Variants in MARK3 observed in about 807,000 individuals in gnomAD.
The protein encoded by MARK3 is MAP/microtubule affinity-regulating kinase 3.
A neutral mutation model predicts 90.1 loss-of-function variants in MARK3; 46 were observed. That is an observed-to-expected ratio of 0.51 (90% CI 0.40 to 0.65). The LOEUF (loss-of-function observed/expected upper bound fraction) is 0.65, where lower values mean the gene tolerates loss of function less well. MARK3 is among the 30% of genes least tolerant of loss of function. The pLI, the probability that MARK3 is intolerant of heterozygous loss-of-function variation, is 0.00. For synonymous variants in MARK3, 321 were observed against 332.6 expected (o/e 0.97, Z 0.38); for missense variants, 818 against 947.2 (o/e 0.86, Z 1.79).
intron 1 of MARK3, among the ~76,000 whole-genome samples, 195 bp from the exon 2 acceptor site, chr14:103,404,881 A>G (rs2091184221): frequency 6.6e-6 from 1 of 152,218 alleles, no homozygotes; most frequent in African/African-American, 2.4e-5. Context: ...ATTGAACTTC[A>G]ACACTTCGTA....
chr14:103,419,960 C>A (rs901772929), intron 2 of MARK3, among the ~76,000 whole-genome samples: 6 of 151,138 alleles, frequency 4.0e-5, no homozygotes, highest in African/African-American at 1.5e-4. Context: ...ATAGCCACTG[C>A]CTGGGGAACA....
intron 11 of MARK3, chr14:103,467,811 A>G (rs1250160523): frequency 2.5e-6 from 1 of 397,088 alleles, no homozygotes; most frequent in East Asian, 4.3e-5. Context: ...TTATTTGAGA[A>G]AGCCTGGAAA....
Position 103,460,295 on chromosome 14 carries a change from C to G in MARK3, c.484-2110C>G, listed in dbSNP as rs560204876. Reference sequence around the variant, plus strand: ...AGAGACAGGATTTCACTGTGTTAGTCAGGATGGTCTCGATCTCCTGACCTC... The same window carrying G: ...AGAGACAGGATTTCACTGTGTTAGTGAGGATGGTCTCGATCTCCTGACCTC... On this transcript the variant is annotated intron_variant, in intron 6 of 17. Transcript: ENST00000429436. Among the ~76,000 whole-genome samples, 327 of 151,816 alleles carry G rather than the reference C, an allele frequency of 2.2e-3. 1 individual carries two copies. The highest frequency in any genetic ancestry group is 3.4e-3 in the Middle Eastern group (1 of 294).
At position 103,405,194 on chromosome 14, in the gene MARK3, G is replaced by T; in HGVS notation, c.170G>T (p.Arg57Ile). 6.3e-7 allele frequency: 1 copy of T among 1,597,052 alleles called. No homozygotes were observed. Among genetic ancestry groups the T allele is most frequent in the South Asian group, 1.1e-5 (1 of 88,038 alleles). The stretch of plus-strand genomic sequence containing the variant: ...GAACAACCTCACATCGGAAACTACA[G>T]ACTGTTGAAAACAATCGGCAAGGGG... ...ADEQPHIGNY[R>I]LLKTIGKGNF... The change falls in exon 2 of 18, where the codon AGA becomes ATA. Residue 57 changes from arginine (R) to isoleucine (I), a missense_variant. By Grantham distance (97) the Arg-to-Ile change is moderately conservative. Coordinates refer to ENST00000429436, the MANE Select transcript of MARK3 (RefSeq NM_001128918.3).
intron 16 of MARK3, 62 bp from the exon 17 acceptor site, chr14:103,500,094 T>G: frequency 7.7e-7 from 1 of 1,301,964 alleles, no homozygotes; most frequent in Non-Finnish European, 1.1e-6. Context: ...GGTCATGTAC[T>G]GGCATGTAAG....
intron 1 of MARK3, among the ~76,000 whole-genome samples, chr14:103,395,486 C>T (rs1344690417): frequency 6.6e-6 from 1 of 152,036 alleles, no homozygotes. Context: ...TCAGGCTGGC[C>T]TTGTGTTCTG....
chr14:103,482,980 T>G (rs1044814811), intron 14 of MARK3, among the ~76,000 whole-genome samples: 7 of 152,184 alleles, frequency 4.6e-5, no homozygotes, highest in African/African-American at 1.7e-4. Context: ...CAGGGCCCAT[T>G]GTTTTAATAA....
intron 3 of MARK3, among the ~76,000 whole-genome samples, chr14:103,435,401 AT>A (rs1009943460): frequency 2.0e-5 from 3 of 149,434 alleles, no homozygotes; most frequent in African/African-American, 7.4e-5. Context: ...AATTTTACTT[AT>A]TTTTATTTAT....
At chr14:103,390,262 C>T (rs1185311959) in intron 1 of MARK3, among the ~76,000 whole-genome samples, 2 of 152,024 alleles carry the variant, frequency 1.3e-5, no homozygotes, top group African/African-American at 4.8e-5. Context: ...AAAAAGTTCA[C>T]TGTTGCTGCA....
intron 2 of MARK3, among the ~76,000 whole-genome samples, chr14:103,418,807 A>G (rs2092073765): frequency 6.6e-6 from 1 of 152,214 alleles, no homozygotes; most frequent in Non-Finnish European, 1.5e-5. Flanking sequence ...TATATTTTCC[A>G]TATACATGTT....
intron 2 of MARK3, chr14:103,411,969 C>G: frequency 2.5e-5 from 5 of 197,368 alleles, no homozygotes; most frequent in East Asian, 9.0e-5. Flanking sequence ...TTTTTTTGGT[C>G]ATTTACTCTT....
rs1299595174 is a variant in MARK3, at chr14:103,385,445, CGGCGGCGGCAGCGGCGGCCAGCAG to C, written c.-579_-556del. ...CGTGAGGCTCTGAGGTGCCGGGGTG[CGGCGGCGGCAGCGGCGGCCAGCAG>C]GGCGGAGGCTGAGGCAGCAAGCTCG... On this transcript the variant is annotated 5_prime_UTR_variant, in exon 1 of 18. Transcript: ENST00000429436. The C allele has an allele frequency of 6.5e-6, 1 of 154,606 alleles. No individual in the cohort carries two copies. Among genetic ancestry groups the C allele is most frequent in the Non-Finnish European group, 1.4e-5 (1 of 69,112 alleles). 9.6% of individuals were successfully genotyped at this position (154,606 alleles called of 1,614,324 possible).
At chr14:103,402,605 T>G (rs1329568022) in intron 1 of MARK3, among the ~76,000 whole-genome samples, 1 of 152,114 alleles carries the variant, frequency 6.6e-6, no homozygotes, top group East Asian at 1.9e-4. Flanking sequence ...GGCAGTTGGT[T>G]TGCATGAAAA....
At position 103,466,013 on chromosome 14, in the gene MARK3, C is replaced by T. The variant is rs1180484444; in HGVS notation, c.819C>T (p.Pro273=). The part of the protein sequence containing the change: ...ERVLRGKYRI[P]FYMSTDCENL... The stretch of plus-strand genomic sequence containing the variant: ...TATTAAGAGGGAAATACAGAATTCC[C>T]TTCTACATGTCTACAGACTGTGAAA... Residue 273 remains proline, a synonymous_variant, in exon 9 of 18, where the codon CCC becomes CCT. Coordinates refer to ENST00000429436, the MANE Select transcript of MARK3 (RefSeq NM_001128918.3). The T allele has an allele frequency of 6.2e-7, 1 of 1,613,910 alleles. No individual in the cohort carries two copies. The highest frequency in any genetic ancestry group is 2.2e-5 in the East Asian group (1 of 44,866).
At chr14:103,451,477 C>G (rs1226854847) in intron 4 of MARK3, among the ~76,000 whole-genome samples, 1 of 152,188 alleles carries the variant, frequency 6.6e-6, no homozygotes, top group Non-Finnish European at 1.5e-5. Context: ...CAATAAAGGT[C>G]TCAAATAGAA....
At chr14:103,434,870 G>A (rs2092677373) in intron 3 of MARK3, among the ~76,000 whole-genome samples, 2 of 152,134 alleles carry the variant, frequency 1.3e-5, no homozygotes, top group Admixed American at 1.3e-4. Flanking sequence ...AAGGTATAGG[G>A]TTATTCATTG....
intron 2 of MARK3, among the ~76,000 whole-genome samples, chr14:103,418,859 T>C (rs2092076575): frequency 6.6e-6 from 1 of 152,210 alleles, no homozygotes; most frequent in South Asian, 2.1e-4. Flanking sequence ...TCTTGTTTTT[T>C]CCGCCCTCGG....
intron 3 of MARK3, among the ~76,000 whole-genome samples, chr14:103,439,095 TTA>T (rs1380839776): frequency 3.9e-5 from 6 of 152,208 alleles, no homozygotes; most frequent in Admixed American, 2.6e-4. Flanking sequence ...TTTTTAAAAT[TTA>T]GTTTTTAATT....
Position 103,386,055 on chromosome 14 carries a change from C to T in MARK3, c.26C>T (p.Thr9Met), listed in dbSNP as rs1413560652. MSTRTPLPTVNERDTENHT... is the reference protein window; with the variant it reads MSTRTPLPMVNERDTENHT... ...ATGTCCACTAGGACCCCATTGCCAA[C>T]GGTGAATGAACGAGACACTGAAAAC... The change falls in exon 1 of 18, where the codon ACG becomes ATG. Residue 9 changes from threonine (T) to methionine (M), a missense_variant. Coordinates refer to ENST00000429436, the MANE Select transcript of MARK3 (RefSeq NM_001128918.3). The T allele has an allele frequency of 6.2e-7, 1 of 1,614,182 alleles. No individual in the cohort carries two copies. The highest frequency in any genetic ancestry group is 1.7e-5 in the Admixed American group (1 of 60,030).
Sources: gnomAD v4.1 joint callset for allele counts (sites outside exome capture counted in the v4.1 genomes callset) on GRCh38, gnomAD v4.1.1 for gene constraint, MANE v1.5 for transcripts, NCBI Gene and HGNC (gene_info 2026-07-23, HGNC 2026-07-21) for gene names.